LIN9: variants seen among roughly 807,000 people sequenced by gnomAD.
LIN9 encodes the protein protein lin-9 homolog.
Under a neutral mutation model 78.0 loss-of-function variants are expected in LIN9, and 18 were observed. The observed-to-expected ratio is 0.23, with a 90% CI of 0.16 to 0.34. The LOEUF is 0.34. Among genes scored for constraint, LIN9 ranks in the 10% least tolerant of loss-of-function variants. The pLI, the probability that LIN9 is intolerant of heterozygous loss-of-function variation, is 1.00. For synonymous variants in LIN9, 192 were observed against 215.2 expected, an observed-to-expected ratio of 0.89 and a Z score of 0.94; for missense variants, 451 against 644.1, an observed-to-expected ratio of 0.70 and a Z score of 3.25.
At position 226,278,704 on chromosome 1, in the gene LIN9, A is replaced by C. The variant is rs924814625; in HGVS notation, c.525-772T>G. ...ACAGGCGTGGTGGCAGGCGCCTATA[A>C]TCCCAGCTACTCAGGAGGCTGAGGC... On this transcript the variant is annotated intron_variant, in intron 6 of 14. Transcript: ENST00000681046. 1.4e-4 allele frequency among the ~76,000 whole-genome samples: 22 copies of C among 151,870 alleles called. No homozygotes were observed. In the East Asian group the frequency reaches 3.7e-3, roughly 26 times the overall value.
chr1:226,236,781 T>C (rs1026070861), intron 12 of LIN9, among the ~76,000 whole-genome samples: 1 of 152,192 alleles, frequency 6.6e-6, no homozygotes, highest in African/African-American at 2.4e-5. Flanking sequence ...TGTTCCACAT[T>C]GTGTTTGTGA....
intron 7 of LIN9, among the ~76,000 whole-genome samples, chr1:226,273,997 C>T (rs1234540195): frequency 6.6e-6 from 1 of 152,108 alleles, no homozygotes; most frequent in African/African-American, 2.4e-5. Flanking sequence ...ATCACTATTC[C>T]CAGCTAATTT....
At chr1:226,276,699 A>G (rs545267617) in intron 7 of LIN9, among the ~76,000 whole-genome samples, 1 of 152,212 alleles carries the variant, frequency 6.6e-6, no homozygotes, top group South Asian at 2.1e-4. Context: ...TGGTTGAAGT[A>G]CAATTACTCA....
At chr1:226,303,752 G>A (rs1662714647) in intron 1 of LIN9, among the ~76,000 whole-genome samples, 1 of 152,162 alleles carries the variant, frequency 6.6e-6, no homozygotes, top group African/African-American at 2.4e-5. Context: ...GATTACAGGT[G>A]CATGCCACCA....
intron 10 of LIN9, among the ~76,000 whole-genome samples, chr1:226,256,428 C>A (rs1659197899): frequency 6.6e-6 from 1 of 151,944 alleles, no homozygotes; most frequent in Non-Finnish European, 1.5e-5. Flanking sequence ...GACTGGGCAT[C>A]ATAGCTCACG....
rs554168010 is a variant in LIN9 at position 226,245,219 on chromosome 1, A to G, written c.1119+5620T>C. On this transcript the variant is annotated intron_variant, in intron 11 of 14. Coordinates refer to ENST00000681046, the MANE Select transcript of LIN9 (RefSeq NM_001366245.2). The stretch of plus-strand genomic sequence containing the variant: ...CTTCAGAATGAAGAATACAAAATAA[A>G]CTGTCAATTTTTGTGCTTAGGTTCA... 1.5e-4 allele frequency among the ~76,000 whole-genome samples: 23 copies of G among 152,218 alleles called. 1 individual carries two copies. The South Asian group carries it at 4.8e-3, about 32-fold the overall frequency.
intron 2 of LIN9, among the ~76,000 whole-genome samples, chr1:226,300,755 C>T (rs2102672931): frequency 6.6e-6 from 1 of 152,280 alleles, no homozygotes; most frequent in East Asian, 1.9e-4. Flanking sequence ...ACTCAGGGGG[C>T]TGAGGCAGGA....
chr1:226,249,265 C>A (rs1226418525), intron 11 of LIN9, among the ~76,000 whole-genome samples: 1 of 152,108 alleles, frequency 6.6e-6, no homozygotes, highest in East Asian at 1.9e-4. Flanking sequence ...GAATTAGAGT[C>A]CAGTAGGAAA....
chr1:226,238,752 T>G (rs1392814978), intron 12 of LIN9, among the ~76,000 whole-genome samples: 1 of 152,204 alleles, frequency 6.6e-6, no homozygotes, highest in Non-Finnish European at 1.5e-5. Context: ...TTGGAGGGCC[T>G]TATTTGTATC....
intron 10 of LIN9, among the ~76,000 whole-genome samples, chr1:226,263,407 T>C (rs1049398759): frequency 6.6e-6 from 1 of 152,174 alleles, no homozygotes; most frequent in Non-Finnish European, 1.5e-5. Context: ...CTGTATCTTC[T>C]TCTCAATTTT....
chr1:226,239,132 TTG>T (rs1178253765), intron 11 of LIN9, 36 bp from the exon 12 acceptor site: 8 of 1,604,450 alleles, frequency 5.0e-6, no homozygotes, highest in Non-Finnish European at 5.9e-6. Flanking sequence ...TGGTAAGAGT[TTG>T]TTTTTTAGCA....
chr1:226,288,615 T>C (rs1317784697), intron 4 of LIN9, among the ~76,000 whole-genome samples: 1 of 152,196 alleles, frequency 6.6e-6, no homozygotes, highest in Admixed American at 6.5e-5. Context: ...AAAATCACTA[T>C]ATGTAAATAA....
chr1:226,309,479 A>C, upstream of LIN9: 1 of 1,107,520 alleles, frequency 9.0e-7, no homozygotes, highest in South Asian at 1.9e-5. Flanking sequence ...CTCCCGGCGC[A>C]TGTTCCGCGG....
intron 2 of LIN9, among the ~76,000 whole-genome samples, chr1:226,300,103 T>G (rs545081644): frequency 1.8e-4 from 27 of 152,144 alleles, no homozygotes; most frequent in African/African-American, 6.5e-4. Context: ...CACTCCCGGA[T>G]AATTTTGTAT....
intron 4 of LIN9, among the ~76,000 whole-genome samples, chr1:226,291,371 G>GA (rs1261398062): frequency 3.3e-5 from 5 of 151,686 alleles, no homozygotes; most frequent in Non-Finnish European, 2.9e-5. Context: ...AAAAGACAGT[G>GA]AAAAAATTAC....
At chr1:226,272,381 C>CA (rs1189564712) in intron 7 of LIN9, among the ~76,000 whole-genome samples, 1 of 125,956 alleles carries the variant, frequency 7.9e-6, no homozygotes, top group Non-Finnish European at 1.7e-5. Flanking sequence ...ATTGAAGTGG[C>CA]TTTTTTTTTT....
At chr1:226,268,137 T>C (rs781040443) in intron 7 of LIN9, 47 bp from the exon 8 acceptor site, 21 of 1,573,518 alleles carry the variant, frequency 1.3e-5, no homozygotes, top group East Asian at 2.2e-5. Flanking sequence ...ATACAAAGAA[T>C]AGTCAAATAT....
chr1:226,287,681 G>A lies in LIN9; in HGVS notation c.381C>T (p.Phe127=), dbSNP rs753655310. The change falls in exon 5 of 15, where the codon TTC becomes TTT. Residue 127 remains phenylalanine, a synonymous_variant. Transcript: ENST00000681046. ...ATACATACTTATCTATATTTGAATA[G>A]AACCACTCGTATATACACCATTTAT... The part of the protein sequence containing the change: ...KAHKWCIYEW[F]YSNIDKPLFE... The A allele has an allele frequency of 6.5e-7, 1 of 1,542,052 alleles. No homozygotes were observed. Among genetic ancestry groups the A allele is most frequent in the South Asian group, 1.2e-5 (1 of 82,310 alleles).
chr1:226,263,130 A>T (rs568147044), intron 10 of LIN9, among the ~76,000 whole-genome samples: 3 of 152,224 alleles, frequency 2.0e-5, no homozygotes, highest in Non-Finnish European at 2.9e-5. Context: ...CCAGGGGCTC[A>T]GGGGAAGAGA....
Sources: allele counts gnomAD v4.1 joint callset (sites outside exome capture counted in the v4.1 genomes callset), GRCh38; gene constraint gnomAD v4.1.1; transcripts MANE v1.5; gene names NCBI Gene and HGNC (gene_info 2026-07-23, HGNC 2026-07-21).